PLCZ1: variants seen among roughly 807,000 people sequenced by gnomAD.
The protein encoded by PLCZ1 is phospholipase C zeta 1.
A neutral mutation model predicts 76.8 loss-of-function variants in PLCZ1; 64 were observed. The observed-to-expected ratio is 0.83, with a 90% CI of 0.68 to 1.03. PLCZ1 has a LOEUF of 1.03. PLCZ1 is among the 50% of genes least tolerant of loss of function. PLCZ1 has a pLI of 0.00. For missense variants in PLCZ1, 751 were observed against 713.7 expected, an observed-to-expected ratio of 1.05 and a Z score of -0.60; for synonymous variants, 248 against 230.8, an observed-to-expected ratio of 1.07 and a Z score of -0.68.
the PLCZ1 span, among the ~76,000 whole-genome samples, chr12:18,649,120 CCTTT>C: frequency 6.6e-6 from 1 of 151,926 alleles, no homozygotes; most frequent in African/African-American, 2.4e-5. Flanking sequence ...TATTACTCTC[CCTTT>C]CTGCTAGACG....
At chr12:18,689,342 G>A (rs11829756) in intron 12 of PLCZ1, among the ~76,000 whole-genome samples, 1 of 152,100 alleles carries the variant, frequency 6.6e-6, no homozygotes, top group Non-Finnish European at 1.5e-5. Context: ...AGAATTTAGG[G>A]CAAGCTTGTC....
the PLCZ1 span, among the ~76,000 whole-genome samples, chr12:18,660,455 C>T: frequency 6.6e-6 from 1 of 152,066 alleles, no homozygotes; most frequent in Non-Finnish European, 1.5e-5. Context: ...GCCAGCGCCT[C>T]GGCACCTTTA....
chr12:18,673,159 A>G, the PLCZ1 span, among the ~76,000 whole-genome samples: 7 of 152,208 alleles, frequency 4.6e-5, no homozygotes, highest in Non-Finnish European at 7.3e-5. Context: ...GAATTTATTC[A>G]TGTTTTTAAT....
the PLCZ1 span, among the ~76,000 whole-genome samples, chr12:18,657,999 T>G: frequency 6.6e-6 from 1 of 151,874 alleles, no homozygotes; most frequent in Non-Finnish European, 1.5e-5. Context: ...TAAAGAGACA[T>G]ATTATGAAGT....
intron 12 of PLCZ1, among the ~76,000 whole-genome samples, chr12:18,690,246 G>A (rs777325098): frequency 2.2e-4 from 34 of 152,102 alleles, no homozygotes; most frequent in Non-Finnish European, 4.4e-4. Flanking sequence ...TCTTTGAGAC[G>A]AACTTTGGCT....
rs1956453771 is a variant in PLCZ1 at position 18,705,219 on chromosome 12, A to G, written c.811T>C (p.Ser271Pro). 6.2e-7 allele frequency: 1 copy of G among 1,613,666 alleles called. No homozygotes were observed. The highest frequency in any genetic ancestry group is 8.5e-7 in the Non-Finnish European group (1 of 1,179,962). ...TCATCAAGCATATCAGAAAGCAAGG[A>G]CTCTCCAAAAGTAGCCTGCAAATTG... ...ADNLQATFGE[S>P]LLSDMLDDFP... Residue 271 changes from serine to proline, a missense_variant, in exon 7 of 15, where the codon TCC (serine) becomes CCC (proline). Physicochemically the swap from Ser to Pro is moderately conservative, Grantham distance 74. Coordinates refer to ENST00000266505, the MANE Select transcript of PLCZ1 (RefSeq NM_033123.4).
chr12:18,721,748 A>G (rs1202325438), intron 4 of PLCZ1, among the ~76,000 whole-genome samples: 2 of 151,378 alleles, frequency 1.3e-5, no homozygotes, highest in Non-Finnish European at 2.9e-5. Context: ...TGAACTCATC[A>G]GTTCTGCTTA....
chr12:18,688,152 T>C lies in PLCZ1; in HGVS notation c.1528A>G (p.Ile510Val), dbSNP rs372739448. Residue 510 changes from isoleucine (I) to valine (V), a missense_variant, in exon 13 of 15, where the codon ATA (isoleucine) becomes GTA (valine). Ile to Val is a conservative substitution (Grantham distance 29, BLOSUM62 3). Transcript: ENST00000266505. ...SSNKGDSLVI[I>V]EVFGVPNDQM... is the part of the protein sequence containing the mutation. ...TCATTTGGAACACCAAAAACTTCTA[T>C]AATTACTAATGAATCACCTTTGTTA... 1 of 1,611,580 alleles carries C rather than the reference T, an allele frequency of 6.2e-7. No homozygotes were observed. The highest frequency in any genetic ancestry group is 1.3e-5 in the African/African-American group (1 of 74,824).
At chr12:18,708,976 T>G (rs565062510) in intron 6 of PLCZ1, among the ~76,000 whole-genome samples, 2 of 152,246 alleles carry the variant, frequency 1.3e-5, no homozygotes, top group Admixed American at 6.5e-5. Context: ...TTGATTTTGT[T>G]GGTTGATTGT....
At chr12:18,651,781 G>T in the PLCZ1 span, among the ~76,000 whole-genome samples, 1 of 152,164 alleles carries the variant, frequency 6.6e-6, no homozygotes, top group African/African-American at 2.4e-5. Flanking sequence ...TCCTTGCAGG[G>T]TATATGAATG....
intron 12 of PLCZ1, chr12:18,693,089 G>T: frequency 1.3e-6 from 2 of 1,513,616 alleles, no homozygotes; most frequent in Non-Finnish European, 1.8e-6. Flanking sequence ...ATCTGAGGGG[G>T]ACCCCAATGT....
the PLCZ1 span, among the ~76,000 whole-genome samples, chr12:18,651,905 G>A: frequency 6.6e-6 from 1 of 152,128 alleles, no homozygotes; most frequent in Admixed American, 6.6e-5. Flanking sequence ...TGAGGATAAG[G>A]ACCAGCTCTT....
Position 18,737,988 on chromosome 12 carries a change from T to A in PLCZ1, c.-195A>T, listed in dbSNP as rs563994473. 2.3e-6 allele frequency: 1 copy of A among 436,506 alleles called. No individual in the cohort carries two copies. 27.0% of individuals were successfully genotyped at this position (436,506 alleles called of 1,614,324 possible). The stretch of plus-strand genomic sequence containing the variant: ...GTTCTTAAAATCTTCAAAAGAGGTA[T>A]AGCTGGTTGGCTGGGCACCACACTG... On this transcript the variant is annotated 5_prime_UTR_variant, in exon 1 of 15. Transcript: ENST00000266505.
the PLCZ1 span, among the ~76,000 whole-genome samples, chr12:18,676,996 A>G: frequency 6.6e-6 from 1 of 152,138 alleles, no homozygotes; most frequent in African/African-American, 2.4e-5. Flanking sequence ...TGCTTACTGA[A>G]CAGATATTTG....
At chr12:18,650,698 GTGTGTGTATATATCTATATATATA>G in the PLCZ1 span, among the ~76,000 whole-genome samples, 64 of 29,110 alleles carry the variant, frequency 2.2e-3, 1 homozygote, top group South Asian at 5.5e-3. Flanking sequence ...GTGTGTGTGT[GTGTGTGTATATATCTATATATATA>G]TATATATATA....
intron 7 of PLCZ1, among the ~76,000 whole-genome samples, chr12:18,704,691 G>T (rs1447459750): frequency 6.6e-6 from 1 of 152,084 alleles, no homozygotes; most frequent in Admixed American, 6.6e-5. Flanking sequence ...AGATGTGGAC[G>T]TGATTTTTCA....
chr12:18,722,139 A>G (rs1178176312), intron 4 of PLCZ1, among the ~76,000 whole-genome samples: 2 of 151,946 alleles, frequency 1.3e-5, no homozygotes, highest in African/African-American at 4.8e-5. Context: ...CTCAGCTCAA[A>G]TCTCACACTC....
chr12:18,659,589 C>A, the PLCZ1 span, among the ~76,000 whole-genome samples: 1 of 151,718 alleles, frequency 6.6e-6, no homozygotes, highest in Non-Finnish European at 1.5e-5. Context: ...GAAAGGATAT[C>A]CACATTAGAA....
chr12:18,666,698 A>C, the PLCZ1 span, among the ~76,000 whole-genome samples: 3 of 152,198 alleles, frequency 2.0e-5, no homozygotes, highest in Non-Finnish European at 4.4e-5. Flanking sequence ...ACAATGCTAT[A>C]AACCAACTAA....
Sources: allele counts gnomAD v4.1 joint callset (sites outside exome capture counted in the v4.1 genomes callset), GRCh38; gene constraint gnomAD v4.1.1; transcripts MANE v1.5; gene names NCBI Gene and HGNC (gene_info 2026-07-23, HGNC 2026-07-21).